The following UNC79 variants were observed in gnomAD, a reference collection of about 807,000 sequenced individuals.
The protein encoded by UNC79 is unc-79 subunit of NALCN channel complex, also known as protein unc-79 homolog.
A neutral mutation model predicts 283.1 loss-of-function variants in UNC79; 37 were observed. That is an observed-to-expected ratio of 0.13 (90% CI 0.10 to 0.17). The LOEUF is 0.17. Ranked by LOEUF, UNC79 falls within the 10% of genes least tolerant of loss-of-function variation. UNC79 has a pLI of 1.00. For synonymous variants in UNC79, 1,107 were observed against 1,200.2 expected (o/e 0.92, Z 1.61); for missense variants, 2,272 against 3,211.1 (o/e 0.71, Z 7.07).
In UNC79 at chr14:93,621,829, G is replaced by A. The variant is rs773544412; in HGVS notation, c.4596G>A (p.Pro1532=). The A allele has an allele frequency of 1.5e-5, 24 of 1,612,468 alleles. 1 individual carries two copies. In the South Asian group the frequency reaches 2.6e-4, roughly 18 times the overall value. Residue 1532 remains proline, a synonymous_variant, in exon 30 of 49, where the codon CCG becomes CCA. Coordinates refer to ENST00000555664, the Ensembl canonical transcript of UNC79. The surrounding 1 kb of genome is among the most constrained non-coding windows in gnomAD (Gnocchi z 4.8). ...ATCGGTGTGACATAGAGAAGCCTCCGACCCAAGCTGCGTATATCGCACAAA... is the reference window on the plus strand; with the variant it reads ...ATCGGTGTGACATAGAGAAGCCTCCAACCCAAGCTGCGTATATCGCACAAA...
chr14:93,602,803 G>C (rs2065608942), intron 25 of UNC79, among the ~76,000 whole-genome samples: 1 of 152,082 alleles, frequency 6.6e-6, no homozygotes, highest in African/African-American at 2.4e-5. Flanking sequence ...ACCATACCTG[G>C]CTAATTTTTC....
chr14:93,447,650 C>T (rs2056503856), intron 1 of UNC79, among the ~76,000 whole-genome samples: 1 of 151,846 alleles, frequency 6.6e-6, no homozygotes, highest in Non-Finnish European at 1.5e-5. Context: ...CTTTCCTTCG[C>T]ATATTTTGTA....
At chr14:93,577,912 AGAGTCCGTTTCG>A (rs748608921) in exon 18 of UNC79, 4 of 1,614,206 alleles carry the variant, frequency 2.5e-6, no homozygotes, top group Non-Finnish European at 3.4e-6. Context: ...AGTCCTTTCC[AGAGTCCGTTTCG>A]GAGTCCTTTG....
chr14:93,415,857 A>G (rs1162779684), intron 1 of UNC79, among the ~76,000 whole-genome samples: 6 of 151,870 alleles, frequency 4.0e-5, no homozygotes, highest in South Asian at 2.1e-4. Flanking sequence ...CTGTGGGATC[A>G]GTGGTGATAT....
At chr14:93,499,692 C>T (rs1009559818) in intron 7 of UNC79, among the ~76,000 whole-genome samples, 3 of 152,102 alleles carry the variant, frequency 2.0e-5, no homozygotes, top group Non-Finnish European at 4.4e-5. Context: ...AACTGCCTTA[C>T]AGGGTAATAA....
At chr14:93,494,898 T>C (rs1466150974) in intron 5 of UNC79, among the ~76,000 whole-genome samples, 1 of 152,162 alleles carries the variant, frequency 6.6e-6, no homozygotes, top group Non-Finnish European at 1.5e-5. Flanking sequence ...GGAATTCCCC[T>C]CATGTTTGCA....
At chr14:93,635,682 ATC>A (rs2068451272) in intron 31 of UNC79, among the ~76,000 whole-genome samples, 1 of 152,186 alleles carries the variant, frequency 6.6e-6, no homozygotes, top group Admixed American at 6.5e-5. Flanking sequence ...AGCATACCCA[ATC>A]TCACATTTAA....
chr14:93,556,201 A>G (rs2062161958), intron 14 of UNC79, among the ~76,000 whole-genome samples: 1 of 152,156 alleles, frequency 6.6e-6, no homozygotes, highest in African/African-American at 2.4e-5. Flanking sequence ...AACATCAACT[A>G]GTCTGCTCTG....
chr14:93,493,522 G>T (rs904828883), intron 5 of UNC79, among the ~76,000 whole-genome samples: 1 of 152,148 alleles, frequency 6.6e-6, no homozygotes, highest in African/African-American at 2.4e-5. Flanking sequence ...GCACTTCAAA[G>T]GCAGGGACAA....
chr14:93,581,431 C>G (rs1310672711), intron 19 of UNC79, among the ~76,000 whole-genome samples: 1 of 151,470 alleles, frequency 6.6e-6, no homozygotes, highest in Non-Finnish European at 1.5e-5. Flanking sequence ...CCTCACCCTC[C>G]CAAAGCACTG....
At chr14:93,687,714 T>TC (rs1484371370) in intron 43 of UNC79, among the ~76,000 whole-genome samples, 1 of 152,140 alleles carries the variant, frequency 6.6e-6, no homozygotes, top group Non-Finnish European at 1.5e-5. Flanking sequence ...CTTAATGAGC[T>TC]CCCCTGTCGT....
chr14:93,690,731 A>C lies in UNC79; in HGVS notation c.7272+428A>C. On this transcript the variant is annotated intron_variant, in intron 45 of 48. Coordinates refer to ENST00000555664, the Ensembl canonical transcript of UNC79. This position sits in a 1 kb window ranked among gnomAD's most constrained non-coding sequence, Gnocchi z 4.3. ...CTCTAGAGATACAGGAAAATACAAAATGAAAACAAGAAGGCCAGTTGGGAA... is the reference window on the plus strand; with the variant it reads ...CTCTAGAGATACAGGAAAATACAAACTGAAAACAAGAAGGCCAGTTGGGAA... The C allele has an allele frequency of 6.1e-6, 1 of 165,186 alleles. No homozygotes were observed. The highest frequency in any genetic ancestry group is 1.3e-5 in the Non-Finnish European group (1 of 76,374). The allele number at this position is 165,186 out of a possible 1,614,324, so 10.2% of individuals were successfully genotyped here. A position where few individuals can be genotyped will look rare whatever the true frequency, so the allele number is the denominator to read the frequency against.
intron 18 of UNC79, among the ~76,000 whole-genome samples, chr14:93,578,575 A>G (rs1208260762): frequency 6.6e-6 from 1 of 152,232 alleles, no homozygotes; most frequent in East Asian, 1.9e-4. Context: ...AGATGTTAAC[A>G]TTTACCACAT....
intron 1 of UNC79, among the ~76,000 whole-genome samples, chr14:93,372,801 C>T (rs2054480134): frequency 6.6e-6 from 1 of 152,142 alleles, no homozygotes; most frequent in African/African-American, 2.4e-5. Flanking sequence ...TCAACAACAC[C>T]ATCAATCAAC....
intron 3 of UNC79, among the ~76,000 whole-genome samples, chr14:93,476,775 C>A (rs1315549817): frequency 6.6e-6 from 1 of 152,154 alleles, no homozygotes; most frequent in Admixed American, 6.5e-5. Context: ...TACATGCATT[C>A]TAAAGCTAAA....
At chr14:93,361,493 A>G (rs1262738156) in intron 1 of UNC79, among the ~76,000 whole-genome samples, 1 of 142,542 alleles carries the variant, frequency 7.0e-6, no homozygotes, top group Non-Finnish European at 1.5e-5. Flanking sequence ...CCTGGGCGAC[A>G]CAGTGAGACA....
At chr14:93,635,401 A>G (rs1002716240) in intron 31 of UNC79, among the ~76,000 whole-genome samples, 1 of 152,214 alleles carries the variant, frequency 6.6e-6, no homozygotes, top group African/African-American at 2.4e-5. Flanking sequence ...ATGCACCACT[A>G]AAATGTAAGG....
At chr14:93,516,844 T>G (rs1279413792) in intron 7 of UNC79, among the ~76,000 whole-genome samples, 1 of 152,060 alleles carries the variant, frequency 6.6e-6, no homozygotes, top group East Asian at 1.9e-4. Context: ...TCCATGAACA[T>G]GGTATATTTA....
At chr14:93,375,248 T>A (rs2054531124) in intron 1 of UNC79, among the ~76,000 whole-genome samples, 1 of 152,040 alleles carries the variant, frequency 6.6e-6, no homozygotes, top group Admixed American at 6.6e-5. Context: ...CGGGTCATGG[T>A]GGTGGTGCCT....
Sources: allele counts gnomAD v4.1 joint callset (sites outside exome capture counted in the v4.1 genomes callset), GRCh38; gene constraint gnomAD v4.1.1; non-coding constraint Gnocchi (gnomAD v3.1); transcripts MANE v1.5; gene names NCBI Gene and HGNC (gene_info 2026-07-23, HGNC 2026-07-21).